NKAIN3: variants seen among roughly 807,000 people sequenced by gnomAD.
NKAIN3 encodes the protein sodium/potassium-transporting ATPase subunit beta-1-interacting protein 3.
In NKAIN3, 25 loss-of-function variants were observed where a neutral mutation model predicts 30.2. The ratio of observed to expected loss-of-function variants is 0.83; its 90% CI spans 0.60 to 1.16. The LOEUF (loss-of-function observed/expected upper bound fraction) is 1.16, where lower values mean the gene tolerates loss of function less well. NKAIN3 is among the 50% of genes most tolerant of loss of function. The pLI is 0.00. For missense variants in NKAIN3, 225 were observed against 254.1 expected, an observed-to-expected ratio of 0.89 and a Z score of 0.78; for synonymous variants, 91 against 89.6, an observed-to-expected ratio of 1.02 and a Z score of -0.09.
intron 1 of NKAIN3, among the ~76,000 whole-genome samples, chr8:62,283,767 G>A (rs947060126): frequency 2.6e-5 from 4 of 151,870 alleles, no homozygotes; most frequent in Non-Finnish European, 5.9e-5. Flanking sequence ...ATTTCTGTTT[G>A]TCCTATAATG....
At chr8:62,589,059 A>G (rs191101009) in intron 2 of NKAIN3, among the ~76,000 whole-genome samples, 364 of 151,998 alleles carry the variant, frequency 2.4e-3, no homozygotes, top group African/African-American at 7.8e-3. Flanking sequence ...AAAATCAATT[A>G]ATCAGTAAGA....
At position 62,976,948 on chromosome 8, in the gene NKAIN3, G is replaced by T. The variant is rs1823956194; in HGVS notation, c.*11541G>T. 6.6e-6 allele frequency among the ~76,000 whole-genome samples: 1 copy of T among 152,174 alleles called. No homozygotes were observed. The highest frequency in any genetic ancestry group is 2.1e-4 in the South Asian group (1 of 4,828). On this transcript the variant is annotated 3_prime_UTR_variant, in exon 7 of 7. Transcript: ENST00000623646. ...ATTTCTCCTTCACTTGTGAAGCTCA[G>T]TTTGGCTGGATATGAAATTCTGGGT...
intron 3 of NKAIN3, among the ~76,000 whole-genome samples, chr8:62,664,445 C>T (rs986691398): frequency 1.3e-5 from 2 of 152,154 alleles, no homozygotes; most frequent in Admixed American, 6.6e-5. Context: ...AAGATCTCCT[C>T]AACCTCAACT....
intron 1 of NKAIN3, among the ~76,000 whole-genome samples, chr8:62,546,172 T>C (rs924602649): frequency 1.3e-5 from 2 of 152,196 alleles, no homozygotes; most frequent in Non-Finnish European, 2.9e-5. Flanking sequence ...TTCTTACCTT[T>C]GTCTACAATA....
At chr8:62,273,942 T>C (rs1812850868) in intron 1 of NKAIN3, among the ~76,000 whole-genome samples, 1 of 152,182 alleles carries the variant, frequency 6.6e-6, no homozygotes, top group South Asian at 2.1e-4. Context: ...GGCCAGGTGC[T>C]GACCTCCACC....
intron 4 of NKAIN3, among the ~76,000 whole-genome samples, chr8:62,865,891 T>C (rs192720965): frequency 1.2e-3 from 181 of 152,342 alleles, no homozygotes; most frequent in African/African-American, 4.2e-3. Flanking sequence ...ATGTTGCATG[T>C]AGCCGACTTT....
intron 1 of NKAIN3, among the ~76,000 whole-genome samples, chr8:62,531,177 T>C (rs1255610187): frequency 6.6e-6 from 1 of 152,122 alleles, no homozygotes; most frequent in Non-Finnish European, 1.5e-5. Context: ...GTGGGACACA[T>C]CAGCAAATAC....
intron 4 of NKAIN3, among the ~76,000 whole-genome samples, chr8:62,912,179 C>G (rs1277703082): frequency 6.6e-6 from 1 of 151,996 alleles, no homozygotes; most frequent in Admixed American, 6.6e-5. Flanking sequence ...CTAAATATAT[C>G]TAAATATAGA....
intron 3 of NKAIN3, among the ~76,000 whole-genome samples, chr8:62,619,853 C>A (rs534135411): frequency 9.9e-5 from 15 of 152,202 alleles, no homozygotes; most frequent in Admixed American, 6.5e-4. Flanking sequence ...ACAATCAACA[C>A]CCTTGTAAAA....
rs559357526 is a variant in NKAIN3, at chr8:62,555,975, A to G, written c.55-23564A>G. On this transcript the variant is annotated intron_variant, in intron 1 of 6. Transcript: ENST00000623646. ...CTAAAAGTATTTCAGTGAAATAAACATACCTTCAAGTGAAAAAAAATGGAA... is the reference window on the plus strand; with the variant it reads ...CTAAAAGTATTTCAGTGAAATAAACGTACCTTCAAGTGAAAAAAAATGGAA... Among the ~76,000 whole-genome samples, 5 of 152,154 alleles carry G rather than the reference A, an allele frequency of 3.3e-5. No individual in the cohort carries two copies. The South Asian group carries it at 1.0e-3, about 32-fold the overall frequency.
chr8:62,768,176 A>G (rs1208593356), intron 4 of NKAIN3, among the ~76,000 whole-genome samples: 2 of 152,156 alleles, frequency 1.3e-5, no homozygotes, highest in African/African-American at 2.4e-5. Context: ...TTCAAAATCC[A>G]TCACTTTGGA....
At chr8:62,401,806 T>C (rs543778072) in intron 1 of NKAIN3, among the ~76,000 whole-genome samples, 1 of 152,330 alleles carries the variant, frequency 6.6e-6, no homozygotes, top group East Asian at 1.9e-4. Context: ...CTGTCTGAAC[T>C]GAGCTTCTAG....
chr8:62,464,172 C>T lies in NKAIN3; in HGVS notation c.55-115367C>T, dbSNP rs150335801. 2.1e-4 allele frequency among the ~76,000 whole-genome samples: 32 copies of T among 152,232 alleles called. No individual in the cohort carries two copies. The East Asian group carries it at 6.2e-3, about 29-fold the overall frequency. On this transcript the variant is annotated intron_variant, in intron 1 of 6. Transcript: ENST00000623646. The stretch of plus-strand genomic sequence containing the variant: ...TGGGTGAGGAGTATGTGGGAATTCT[C>T]CATACTGTCTGTGCAACCTCCCTGT...
chr8:62,582,944 C>T (rs1810352491), intron 2 of NKAIN3, among the ~76,000 whole-genome samples: 1 of 152,142 alleles, frequency 6.6e-6, no homozygotes, highest in Non-Finnish European at 1.5e-5. Flanking sequence ...ACCTGCCTCA[C>T]CAGCCTCATG....
rs66521184 is a variant in NKAIN3, at chr8:62,374,113, CA to C, written c.54+125010del. ...GGGTGACAGAGCGAGACTCCATCTC[CA>C]AAAAAAAAAAAAAAAAAAAAAAAGA... On this transcript the variant is annotated intron_variant, in intron 1 of 6. Coordinates refer to ENST00000623646, the MANE Select transcript of NKAIN3 (RefSeq NM_001304533.3). Among the ~76,000 whole-genome samples the C allele has an allele frequency of 4.1e-3, 266 of 64,318 alleles. 1 individual carries two copies. Among genetic ancestry groups the C allele is most frequent in the African/African-American group, 0.016 (228 of 14,304 alleles). The allele number at this position is 64,318 out of a possible 152,430, so 42.2% of individuals were successfully genotyped here.
intron 1 of NKAIN3, among the ~76,000 whole-genome samples, chr8:62,571,285 G>T (rs980415522): frequency 6.6e-6 from 1 of 152,100 alleles, no homozygotes; most frequent in African/African-American, 2.4e-5. Context: ...ACAGGCAAGA[G>T]CCACCATGCC....
intron 4 of NKAIN3, among the ~76,000 whole-genome samples, chr8:62,798,214 CA>C (rs1318359570): frequency 6.6e-6 from 1 of 152,098 alleles, no homozygotes; most frequent in African/African-American, 2.4e-5. Flanking sequence ...TAAACTCTAT[CA>C]GATCTGTAAA....
intron 4 of NKAIN3, among the ~76,000 whole-genome samples, chr8:62,845,500 C>G (rs1421989569): frequency 6.6e-6 from 1 of 151,466 alleles, no homozygotes; most frequent in African/African-American, 2.4e-5. Flanking sequence ...TGGAACAGAG[C>G]AAATATAGTA....
rs893413643 is a variant in NKAIN3 at position 62,398,675 on chromosome 8, G to A, written c.54+149548G>A. Among the ~76,000 whole-genome samples the A allele has an allele frequency of 7.3e-4, 111 of 152,308 alleles. 5 individuals carry two copies. The highest frequency in any genetic ancestry group is 2.9e-5 in the Non-Finnish European group (2 of 68,038). On this transcript the variant is annotated intron_variant, in intron 1 of 6. Coordinates refer to ENST00000623646, the MANE Select transcript of NKAIN3 (RefSeq NM_001304533.3). The stretch of plus-strand genomic sequence containing the variant: ...GTGTCTTGCAGCAATAAACTGTAGC[G>A]TGTTCACTGTTAGCAGAGTGAACTG...
Sources: gnomAD v4.1 joint callset for allele counts (sites outside exome capture counted in the v4.1 genomes callset) on GRCh38, gnomAD v4.1.1 for gene constraint, MANE v1.5 for transcripts, NCBI Gene and HGNC (gene_info 2026-07-23, HGNC 2026-07-21) for gene names.